The following LRRTM4 variants were observed in gnomAD, a reference collection of about 807,000 sequenced individuals.
The protein encoded by LRRTM4 is leucine-rich repeat transmembrane neuronal protein 4.
Under a neutral mutation model 47.6 loss-of-function variants are expected in LRRTM4, and 25 were observed. That is an observed-to-expected ratio of 0.53 (90% CI 0.38 to 0.73). LRRTM4 has a LOEUF of 0.73. Ranked by LOEUF, LRRTM4 falls within the 30% of genes least tolerant of loss-of-function variation. The pLI, the probability that LRRTM4 is intolerant of heterozygous loss-of-function variation, is 0.00. For synonymous variants in LRRTM4, 311 were observed against 269.5 expected (o/e 1.15, Z -1.51); for missense variants, 638 against 713.4 (o/e 0.89, Z 1.20).
At chr2:77,490,987 T>C (rs1323685178) in intron 3 of LRRTM4, among the ~76,000 whole-genome samples, 5 of 151,778 alleles carry the variant, frequency 3.3e-5, no homozygotes, top group Non-Finnish European at 4.4e-5. Flanking sequence ...GTAAAACTAA[T>C]CTGGATAGGT....
intron 3 of LRRTM4, among the ~76,000 whole-genome samples, chr2:77,430,541 G>A (rs901816836): frequency 1.3e-5 from 2 of 151,668 alleles, no homozygotes; most frequent in Non-Finnish European, 2.9e-5. Context: ...GACCAACACG[G>A]AGAAACCCTG....
At chr2:77,513,668 C>T (rs910912179) in intron 3 of LRRTM4, among the ~76,000 whole-genome samples, 11 of 152,024 alleles carry the variant, frequency 7.2e-5, no homozygotes, top group African/African-American at 1.2e-4. Context: ...TGGGTTCAAG[C>T]GATTCTCTTG....
At chr2:76,971,501 G>T (rs1440958421) in intron 3 of LRRTM4, among the ~76,000 whole-genome samples, 2 of 152,060 alleles carry the variant, frequency 1.3e-5, no homozygotes, top group Admixed American at 6.6e-5. Flanking sequence ...ATCCAGACAG[G>T]TAACTGGCAT....
chr2:77,044,877 G>A (rs1260453549), intron 3 of LRRTM4, among the ~76,000 whole-genome samples: 1 of 151,512 alleles, frequency 6.6e-6, no homozygotes, highest in African/African-American at 2.4e-5. Context: ...ACAGACAAAT[G>A]TATACATATA....
intron 3 of LRRTM4, among the ~76,000 whole-genome samples, chr2:77,203,820 G>A (rs1363238422): frequency 6.6e-6 from 1 of 152,058 alleles, no homozygotes; most frequent in Non-Finnish European, 1.5e-5. Flanking sequence ...CTATTGCAAG[G>A]TTAAGTTAAA....
intron 3 of LRRTM4, among the ~76,000 whole-genome samples, chr2:77,214,001 A>G (rs4852430): frequency 0.69 from 104,756 of 151,888 alleles, 36,798 homozygotes; most frequent in African/African-American, 0.84. Flanking sequence ...GAGCCCTAGA[A>G]GAAACTGAAA....
chr2:77,328,100 C>T (rs2104243683), intron 3 of LRRTM4, among the ~76,000 whole-genome samples: 1 of 152,256 alleles, frequency 6.6e-6, no homozygotes, highest in South Asian at 2.1e-4. Flanking sequence ...ACATACTGTG[C>T]TAAACCCTAG....
At chr2:77,113,203 C>T (rs1388814374) in intron 3 of LRRTM4, among the ~76,000 whole-genome samples, 2 of 152,014 alleles carry the variant, frequency 1.3e-5, no homozygotes, top group African/African-American at 4.8e-5. Flanking sequence ...TTTAGCTGAG[C>T]CTGCAGACGG....
intron 3 of LRRTM4, among the ~76,000 whole-genome samples, chr2:77,049,359 T>A (rs12617273): frequency 0.21 from 32,353 of 151,128 alleles, 3,636 homozygotes; most frequent in East Asian, 0.3. Flanking sequence ...TTTGTAATTG[T>A]TTGAGGAACC....
At position 77,331,556 on chromosome 2, in the gene LRRTM4, T is replaced by A. The variant is rs1368324134; in HGVS notation, c.1551+186762A>T. Among the ~76,000 whole-genome samples the A allele has an allele frequency of 2.0e-5, 3 of 152,224 alleles. No individual in the cohort carries two copies. In the South Asian group the frequency reaches 6.2e-4, roughly 32 times the overall value. ...TGGAAGAGATAGGACACATAGCTTA[T>A]GAACATATCTAAATGAAAATAGTGA... On this transcript the variant is annotated intron_variant, in intron 3 of 3. Coordinates refer to ENST00000409884, the MANE Select transcript of LRRTM4 (RefSeq NM_001134745.3).
chr2:76,932,372 T>C (rs1013619943), intron 3 of LRRTM4, among the ~76,000 whole-genome samples: 1 of 152,092 alleles, frequency 6.6e-6, no homozygotes, highest in African/African-American at 2.4e-5. Flanking sequence ...TTCTTTCCCC[T>C]AGTAGTATAA....
chr2:76,842,884 A>G (rs1671728860), intron 3 of LRRTM4, among the ~76,000 whole-genome samples: 1 of 152,168 alleles, frequency 6.6e-6, no homozygotes, highest in Non-Finnish European at 1.5e-5. Flanking sequence ...TAGGTTATAT[A>G]TTGCTGAGAT....
At chr2:76,849,060 G>A (rs1671916947) in intron 3 of LRRTM4, among the ~76,000 whole-genome samples, 1 of 151,474 alleles carries the variant, frequency 6.6e-6, no homozygotes, top group South Asian at 2.1e-4. Flanking sequence ...TTTCCTTCAG[G>A]TACTCTTCTT....
At chr2:77,518,018 G>C (rs1679286588) in intron 3 of LRRTM4, 1 of 1,105,964 alleles carries the variant, frequency 9.0e-7, no homozygotes, top group Non-Finnish European at 1.1e-6. Flanking sequence ...TTGTTTGTAT[G>C]TGTGTTTTTA....
At chr2:77,455,975 C>T (rs185731534) in intron 3 of LRRTM4, among the ~76,000 whole-genome samples, 9 of 152,160 alleles carry the variant, frequency 5.9e-5, no homozygotes, top group Admixed American at 5.9e-4. Context: ...GTTTCATGAC[C>T]CCACTTATTT....
At chr2:77,063,680 A>G (rs761536368) in intron 3 of LRRTM4, among the ~76,000 whole-genome samples, 11 of 152,258 alleles carry the variant, frequency 7.2e-5, no homozygotes, top group Non-Finnish European at 1.5e-4. Flanking sequence ...ATTCAATAAC[A>G]TTAAAAATTG....
intron 3 of LRRTM4, among the ~76,000 whole-genome samples, chr2:77,272,716 G>A (rs1253256898): frequency 2.0e-5 from 3 of 152,090 alleles, no homozygotes; most frequent in African/African-American, 7.2e-5. Context: ...CACAGAGTGA[G>A]TGAATTCTCA....
chr2:76,848,150 A>G (rs1671891380), intron 3 of LRRTM4, among the ~76,000 whole-genome samples: 1 of 152,068 alleles, frequency 6.6e-6, no homozygotes, highest in Admixed American at 6.6e-5. Context: ...GGTAGAAAAC[A>G]ACTTCTTTCC....
At position 77,494,161 on chromosome 2, in the gene LRRTM4, G is replaced by A. The variant is rs193292685; in HGVS notation, c.1551+24157C>T. ...CTTAATATGTTAAAGGTTTTACAGCGAAAATCAATTGCTGTTCTTGTATAT... is the reference window on the plus strand; with the variant it reads ...CTTAATATGTTAAAGGTTTTACAGCAAAAATCAATTGCTGTTCTTGTATAT... On this transcript the variant is annotated intron_variant, in intron 3 of 3. Coordinates refer to ENST00000409884, the MANE Select transcript of LRRTM4 (RefSeq NM_001134745.3). 6.0e-3 allele frequency among the ~76,000 whole-genome samples: 911 copies of A among 152,158 alleles called. 7 individuals are homozygous for A. Among genetic ancestry groups the A allele is most frequent in the South Asian group, 0.044 (211 of 4,822 alleles).
Sources: allele counts gnomAD v4.1 joint callset (sites outside exome capture counted in the v4.1 genomes callset), GRCh38; gene constraint gnomAD v4.1.1; transcripts MANE v1.5; gene names NCBI Gene and HGNC (gene_info 2026-07-23, HGNC 2026-07-21).